Variants in SSH1 observed in about 807,000 individuals in gnomAD.
The protein encoded by SSH1 is protein phosphatase Slingshot homolog 1.
In SSH1, 43 loss-of-function variants were observed where a neutral mutation model predicts 79.7. That is an observed-to-expected ratio of 0.54 (90% CI 0.42 to 0.70). The LOEUF (loss-of-function observed/expected upper bound fraction) is 0.70. Ranked by LOEUF, SSH1 falls within the 30% of genes least tolerant of loss-of-function variation. SSH1 has a pLI of 0.00. For synonymous variants in SSH1, 599 were observed against 538.3 expected (o/e 1.11, Z -1.56); for missense variants, 1,206 against 1,358.8 (o/e 0.89, Z 1.77).
chr12:108,802,314 A>G lies in SSH1; in HGVS notation c.1001+8T>C. The stretch of plus-strand genomic sequence containing the variant: ...AAGGACAGGGAAAGACAAGGGGAGG[A>G]GACTCACCCTGAGCCCTGCAGTTCC... On this transcript the variant is annotated splice_region_variant and intron_variant, in intron 11 of 14. Transcript: ENST00000326495. The G allele has an allele frequency of 6.2e-7, 1 of 1,613,408 alleles. No homozygotes were observed. The highest frequency in any genetic ancestry group is 8.5e-7 in the Non-Finnish European group (1 of 1,179,488).
At chr12:108,814,375 A>G (rs937108818) in intron 5 of SSH1, among the ~76,000 whole-genome samples, 12 of 151,948 alleles carry the variant, frequency 7.9e-5, no homozygotes, top group African/African-American at 2.9e-4. Flanking sequence ...GGGGGAATAA[A>G]AAAATAAAAT....
intron 14 of SSH1, among the ~76,000 whole-genome samples, chr12:108,791,513 C>A (rs2036499118): frequency 6.6e-6 from 1 of 152,158 alleles, no homozygotes; most frequent in Non-Finnish European, 1.5e-5. Context: ...TGACTCAAAC[C>A]TGTAATTCCA....
At chr12:108,826,124 A>C (rs1214324665) in intron 2 of SSH1, 3 of 455,490 alleles carry the variant, frequency 6.6e-6, no homozygotes, top group Non-Finnish European at 1.3e-5. Context: ...AGCACGCTGG[A>C]AACAGCCAAC....
rs139044724 is a variant in SSH1, at chr12:108,820,146, G to A, written c.215-1833C>T. On this transcript the variant is annotated intron_variant, in intron 3 of 14. Transcript: ENST00000326495. ...TCTCACCTCAGCCTCCCAAAGTGCT[G>A]GGATTATAGGCATGAGCCACCAAAC... 6.6e-3 allele frequency among the ~76,000 whole-genome samples: 1,005 copies of A among 152,048 alleles called. 4 individuals are homozygous for A. The highest frequency in any genetic ancestry group is 0.011 in the Non-Finnish European group (770 of 67,994).
intron 3 of SSH1, among the ~76,000 whole-genome samples, chr12:108,822,344 G>A (rs1175723745): frequency 1.3e-5 from 2 of 152,080 alleles, no homozygotes; most frequent in Non-Finnish European, 2.9e-5. Flanking sequence ...GTGTTGTTCG[G>A]GTTAGTCTGG....
chr12:108,817,130 G>A lies in SSH1; in HGVS notation c.309C>T (p.Asp103=), dbSNP rs1328399942. 6.2e-7 allele frequency: 1 copy of A among 1,614,132 alleles called. No individual in the cohort carries two copies. Among genetic ancestry groups the A allele is most frequent in the South Asian group, 1.1e-5 (1 of 91,086 alleles). ...ACACCACCACCATGTACCGGACCCG[G>A]TCCGCCCAGGCGCTCTCCAGGCGCA... ...LAVRLESAWA[D]RVRYMVVVYS... The change falls in exon 5 of 15, where the codon GAC becomes GAT. Residue 103 remains aspartate (D), a synonymous_variant. Transcript: ENST00000326495.
chr12:108,788,091 T>G lies in SSH1; in HGVS notation c.3047A>C (p.His1016Pro). Reference sequence around the variant, plus strand: ...GTCCCTCGGGGTTCCCTGGGGCTCATGCAAGAAGGAAGATTCACTCAAAGT... The same window carrying G: ...GTCCCTCGGGGTTCCCTGGGGCTCAGGCAAGAAGGAAGATTCACTCAAAGT... The part of the protein sequence containing the change: ...DTTLSESSFL[H>P]EPQGTPRDPA... Residue 1016 changes from histidine (H) to proline (P), a missense_variant, in exon 15 of 15, where the codon CAT becomes CCT. This residue lies in a region of SSH1 where 709 missense variants were observed against 730.6 expected (regional missense o/e 0.97). Coordinates refer to ENST00000326495, the MANE Select transcript of SSH1 (RefSeq NM_018984.4). 1 of 1,614,016 alleles carries G rather than the reference T, an allele frequency of 6.2e-7. No homozygotes were observed. The highest frequency in any genetic ancestry group is 8.5e-7 in the Non-Finnish European group (1 of 1,180,000).
intron 2 of SSH1, among the ~76,000 whole-genome samples, chr12:108,841,295 C>G (rs527566186): frequency 1.3e-5 from 2 of 152,250 alleles, no homozygotes; most frequent in African/African-American, 4.8e-5. Flanking sequence ...TGCACGCTCA[C>G]GCAATGTGCT....
intron 4 of SSH1, among the ~76,000 whole-genome samples, 197 bp downstream of exon 4, chr12:108,818,052 A>C (rs2037972286): frequency 6.6e-6 from 1 of 152,120 alleles, no homozygotes. Context: ...TTTTTTAAAA[A>C]TAAGGCAGGG....
intron 12 of SSH1, among the ~76,000 whole-genome samples, chr12:108,800,267 G>A (rs1447505464): frequency 6.6e-6 from 1 of 152,202 alleles, no homozygotes; most frequent in East Asian, 1.9e-4. Flanking sequence ...AGGGGCAGTG[G>A]GGCTGGCCAT....
At chr12:108,806,793 T>C (rs1237350963) in intron 8 of SSH1, among the ~76,000 whole-genome samples, 1 of 152,150 alleles carries the variant, frequency 6.6e-6, no homozygotes, top group Non-Finnish European at 1.5e-5. Context: ...CATTATCCCC[T>C]TTTTCCTCAG....
At chr12:108,837,447 C>T (rs187378682) in intron 2 of SSH1, among the ~76,000 whole-genome samples, 105 of 152,194 alleles carry the variant, frequency 6.9e-4, no homozygotes, top group Non-Finnish European at 1.2e-3. Flanking sequence ...GTCAGTGTCC[C>T]GCGTGGATGG....
rs1195661851 is a variant in SSH1, at chr12:108,786,227, G to C, written c.*1761C>G. ...CTTGAAGGCTTTCTGGTTTCACTGA[G>C]TTAATCTGGCGGACCCAGCTGAGGG... is the stretch of plus-strand genomic sequence containing the variant. On this transcript the variant is annotated 3_prime_UTR_variant, in exon 15 of 15. Coordinates refer to ENST00000326495, the MANE Select transcript of SSH1 (RefSeq NM_018984.4). 1 of 152,252 alleles carries C rather than the reference G, an allele frequency of 6.6e-6. No homozygotes were observed. The highest frequency in any genetic ancestry group is 1.9e-4 in the East Asian group (1 of 5,202). The allele number at this position is 152,252 out of a possible 1,614,324, so 9.4% of individuals were successfully genotyped here.
At chr12:108,841,320 G>A (rs1318191253) in intron 2 of SSH1, among the ~76,000 whole-genome samples, 1 of 152,258 alleles carries the variant, frequency 6.6e-6, no homozygotes, top group Non-Finnish European at 1.5e-5. Flanking sequence ...GCACAGGAAG[G>A]AGACCAGAGC....
chr12:108,797,213 G>GC (rs2036788932), intron 13 of SSH1, among the ~76,000 whole-genome samples: 1 of 152,018 alleles, frequency 6.6e-6, no homozygotes, highest in Admixed American at 6.6e-5. Context: ...TGCAACCTCT[G>GC]CCCCCTGGGC....
intron 7 of SSH1, among the ~76,000 whole-genome samples, 198 bp from the exon 8 acceptor site, chr12:108,808,025 C>T (rs1383271352): frequency 6.6e-6 from 1 of 152,192 alleles, no homozygotes; most frequent in Non-Finnish European, 1.5e-5. Flanking sequence ...GCAATCTCCG[C>T]CTCCTGGGTT....
At chr12:108,823,530 T>G (rs575759255) in intron 2 of SSH1, among the ~76,000 whole-genome samples, 169 bp from the exon 3 acceptor site, 18 of 152,354 alleles carry the variant, frequency 1.2e-4, no homozygotes, top group African/African-American at 4.3e-4. Flanking sequence ...CAAACCTTGC[T>G]TTTGCTAAAA....
chr12:108,808,377 A>G (rs1709791889), intron 7 of SSH1, among the ~76,000 whole-genome samples: 1 of 152,246 alleles, frequency 6.6e-6, no homozygotes, highest in South Asian at 2.1e-4. Flanking sequence ...ATTGAATCTA[A>G]GAGTGGCCAG....
rs1297472794 is a variant in SSH1, at chr12:108,818,181, G to C, written c.279+68C>G. ...CCACTGCACTCCAGCCTGGGCAACA[G>C]AGCAAGACCCTCATCTCACAAAAAT... On this transcript the variant is annotated intron_variant, in intron 4 of 14. Coordinates refer to ENST00000326495, the MANE Select transcript of SSH1 (RefSeq NM_018984.4). The C allele has an allele frequency of 3.8e-6, 5 of 1,315,956 alleles. No homozygotes were observed. The African/African-American group carries it at 4.4e-5, about 11-fold the overall frequency. 81.5% of individuals were successfully genotyped at this position (1,315,956 alleles called of 1,614,324 possible).
Sources: gnomAD v4.1 joint callset for allele counts (sites outside exome capture counted in the v4.1 genomes callset) on GRCh38, gnomAD v4.1.1 for gene constraint, gnomAD v4.1.1 regional missense constraint, MANE v1.5 for transcripts, NCBI Gene and HGNC (gene_info 2026-07-23, HGNC 2026-07-21) for gene names.